The following ILRUN variants were observed in gnomAD, a reference collection of about 807,000 sequenced individuals.
The protein encoded by ILRUN is inflammation and lipid regulator with UBA-like and NBR1-like domains, also known as protein ILRUN.
A neutral mutation model predicts 33.8 loss-of-function variants in ILRUN; 3 were observed. The ratio of observed to expected loss-of-function variants is 0.09; its 90% CI spans 0.04 to 0.23. ILRUN has a LOEUF of 0.23. ILRUN is among the 10% of genes least tolerant of loss of function. The probability of loss-of-function intolerance (pLI) is 1.00; values close to 1 mark genes in which losing one functional copy is unlikely to be tolerated. For synonymous variants in ILRUN, 124 were observed against 138.9 expected, an observed-to-expected ratio of 0.89 and a Z score of 0.75; for missense variants, 210 against 375.1, an observed-to-expected ratio of 0.56 and a Z score of 3.64.
Position 34,616,961 on chromosome 6 carries a change from G to A in ILRUN, c.512-10057C>T, listed in dbSNP as rs1761904107. 3 of 561,776 alleles carry A rather than the reference G, an allele frequency of 5.3e-6. No homozygotes were observed. The African/African-American group carries it at 5.6e-5, about 11-fold the overall frequency. The allele number at this position is 561,776 out of a possible 1,614,324, so 34.8% of individuals were successfully genotyped here. Reference sequence around the variant, plus strand: ...ATAGGAGTACCCAAATCTGAAGTCAGTAAATGAACTAATCTACAAGCATGG... The same window carrying A: ...ATAGGAGTACCCAAATCTGAAGTCAATAAATGAACTAATCTACAAGCATGG... On this transcript the variant is annotated intron_variant, in intron 3 of 4. Transcript: ENST00000374023.
At chr6:34,650,787 G>C (rs901260316) in intron 2 of ILRUN, among the ~76,000 whole-genome samples, 1 of 152,102 alleles carries the variant, frequency 6.6e-6, no homozygotes. Context: ...CGCAACGTTC[G>C]CCTTCTTCGG....
intron 1 of ILRUN, among the ~76,000 whole-genome samples, chr6:34,688,269 G>T (rs1763569414): frequency 1.3e-5 from 2 of 151,904 alleles, no homozygotes; most frequent in Admixed American, 1.3e-4. Flanking sequence ...GCTGGGCATG[G>T]TGGCTCATGC....
At position 34,614,491 on chromosome 6, in the gene ILRUN, A is replaced by ATAT. The variant is rs1554183828; in HGVS notation, c.512-7590_512-7588dup. On this transcript the variant is annotated intron_variant, in intron 3 of 4. Coordinates refer to ENST00000374023, the MANE Select transcript of ILRUN (RefSeq NM_024294.4). ...TTATATATTTTTTATATATTATTAT[A>ATAT]TATATTATATTTTATATATATATAT... Among the ~76,000 whole-genome samples the ATAT allele has an allele frequency of 2.0e-3, 273 of 139,726 alleles. 5 individuals carry two copies. The highest frequency in any genetic ancestry group is 6.7e-3 in the African/African-American group (244 of 36,660). The allele number at this position is 139,726 out of a possible 152,430, so 91.7% of individuals were successfully genotyped here. A position where few individuals can be genotyped will look rare whatever the true frequency, so the allele number is the denominator to read the frequency against.
chr6:34,635,295 C>G (rs911790188), intron 3 of ILRUN, among the ~76,000 whole-genome samples: 1 of 151,888 alleles, frequency 6.6e-6, no homozygotes, highest in Non-Finnish European at 1.5e-5. Flanking sequence ...TCTGGGAGGC[C>G]GAGGCAGGTG....
chr6:34,610,203 T>C (rs1015681393), intron 3 of ILRUN, among the ~76,000 whole-genome samples: 1 of 149,752 alleles, frequency 6.7e-6, no homozygotes, highest in African/African-American at 2.5e-5. Context: ...GAAAAGAAAA[T>C]ATAAATCCCC....
chr6:34,630,470 G>A (rs1262331499), intron 3 of ILRUN, among the ~76,000 whole-genome samples: 1 of 150,914 alleles, frequency 6.6e-6, no homozygotes, highest in African/African-American at 2.4e-5. Context: ...TGCAACCTCC[G>A]CCTCCTGGGT....
chr6:34,638,402 C>T (rs1762408448), intron 3 of ILRUN, among the ~76,000 whole-genome samples: 2 of 152,108 alleles, frequency 1.3e-5, no homozygotes, highest in Admixed American at 1.3e-4. Context: ...ACAGCTTAGG[C>T]TAGAATTTCT....
intron 3 of ILRUN, among the ~76,000 whole-genome samples, chr6:34,634,777 T>C (rs1367367968): frequency 2.0e-5 from 3 of 152,182 alleles, no homozygotes; most frequent in African/African-American, 7.2e-5. Flanking sequence ...TGAAAATAAG[T>C]TGAACTAGTA....
chr6:34,606,569 C>CTACTGA lies in ILRUN; in HGVS notation c.841_846dup (p.Ser281_Val282dup), dbSNP rs761011110. ...AGGGCACCTACCTTACTGTAAGTCA[C>CTACTGA]TACTGATAAGTTGTTTGCGTGACTG... On this transcript the variant is annotated inframe_insertion, in exon 4 of 5. Transcript: ENST00000374023. 142 of 1,613,806 alleles carry CTACTGA rather than the reference C, an allele frequency of 8.8e-5. No individual in the cohort carries two copies. Among genetic ancestry groups the CTACTGA allele is most frequent in the Non-Finnish European group, 8.1e-5 (96 of 1,179,858 alleles).
At chr6:34,637,617 T>C (rs1291937456) in intron 3 of ILRUN, among the ~76,000 whole-genome samples, 1 of 152,202 alleles carries the variant, frequency 6.6e-6, no homozygotes, top group Non-Finnish European at 1.5e-5. Flanking sequence ...TCATTAGCAC[T>C]AACAGCACAC....
chr6:34,608,952 A>G (rs1398903913), intron 3 of ILRUN, among the ~76,000 whole-genome samples: 1 of 152,258 alleles, frequency 6.6e-6, no homozygotes, highest in Non-Finnish European at 1.5e-5. Context: ...CAAAATACAG[A>G]AAGGCCAAGA....
At chr6:34,618,079 A>C (rs1321553054) in intron 3 of ILRUN, among the ~76,000 whole-genome samples, 3 of 152,228 alleles carry the variant, frequency 2.0e-5, no homozygotes, top group Non-Finnish European at 2.9e-5. Context: ...AAATCTTAGG[A>C]AACAAGGATC....
intron 1 of ILRUN, among the ~76,000 whole-genome samples, chr6:34,692,745 T>C (rs919259491): frequency 3.9e-5 from 6 of 152,158 alleles, no homozygotes; most frequent in African/African-American, 9.7e-5. Context: ...TCTGGCAACA[T>C]AGTGCGACCC....
rs147607745 is a variant in ILRUN, at chr6:34,643,743, C to T, written c.511+2858G>A. 4.8e-3 allele frequency among the ~76,000 whole-genome samples: 728 copies of T among 152,348 alleles called. 8 individuals are homozygous for T. Among genetic ancestry groups the T allele is most frequent in the African/African-American group, 0.011 (477 of 41,576 alleles). On this transcript the variant is annotated intron_variant, in intron 3 of 4. Transcript: ENST00000374023. ...TTGATATGAAGCCTTCACTCTGTTG[C>T]CCAGGCTGGAGCGCAGTGGCGCGAT... is the stretch of plus-strand genomic sequence containing the variant.
At chr6:34,645,349 G>A (rs1293523486) in intron 3 of ILRUN, among the ~76,000 whole-genome samples, 1 of 152,130 alleles carries the variant, frequency 6.6e-6, no homozygotes, top group African/African-American at 2.4e-5. Context: ...GGGTGCCAAT[G>A]AGAAGGATAT....
At chr6:34,645,358 A>G (rs907294188) in intron 3 of ILRUN, among the ~76,000 whole-genome samples, 2 of 152,042 alleles carry the variant, frequency 1.3e-5, no homozygotes, top group African/African-American at 4.8e-5. Context: ...TGAGAAGGAT[A>G]TAAGGTTGGT....
intron 3 of ILRUN, among the ~76,000 whole-genome samples, chr6:34,609,306 T>C (rs1220681500): frequency 6.6e-6 from 1 of 152,036 alleles, no homozygotes; most frequent in East Asian, 1.9e-4. Context: ...CTGGCCAACA[T>C]GGCAAAAACC....
intron 1 of ILRUN, among the ~76,000 whole-genome samples, chr6:34,692,389 AG>A (rs1763666364): frequency 6.6e-6 from 1 of 152,254 alleles, no homozygotes; most frequent in South Asian, 2.1e-4. Context: ...ATGAAGTCAT[AG>A]GAAGATTAAT....
chr6:34,601,777 T>C (rs761170789), intron 4 of ILRUN, among the ~76,000 whole-genome samples: 23 of 151,320 alleles, frequency 1.5e-4, no homozygotes, highest in Admixed American at 2.0e-4. Context: ...TTAGTCAACA[T>C]AGATAGCAGC....
Sources: allele counts gnomAD v4.1 joint callset (sites outside exome capture counted in the v4.1 genomes callset), GRCh38; gene constraint gnomAD v4.1.1; transcripts MANE v1.5; gene names NCBI Gene and HGNC (gene_info 2026-07-23, HGNC 2026-07-21).